The following UGCG variants were observed in gnomAD, a reference collection of about 807,000 sequenced individuals.
UGCG encodes ceramide glucosyltransferase.
In UGCG, 10 loss-of-function variants were observed where a neutral mutation model predicts 49.5. That is an observed-to-expected ratio of 0.20 (90% CI 0.12 to 0.34). The LOEUF is 0.34. Ranked by LOEUF, UGCG falls within the 10% of genes least tolerant of loss-of-function variation. The pLI, the probability that UGCG is intolerant of heterozygous loss-of-function variation, is 1.00. For synonymous variants in UGCG, 182 were observed against 158.2 expected (o/e 1.15, Z -1.13); for missense variants, 312 against 483.7 (o/e 0.65, Z 3.33).
chr9:111,906,694 TG>T (rs1297552302), intron 1 of UGCG, among the ~76,000 whole-genome samples: 80 of 152,232 alleles, frequency 5.3e-4, no homozygotes, highest in African/African-American at 1.9e-3. Context: ...CCTCCCAAAT[TG>T]GCTGGGATTA....
At chr9:111,921,401 C>T (rs1426401073) in intron 2 of UGCG, among the ~76,000 whole-genome samples, 3 of 151,980 alleles carry the variant, frequency 2.0e-5, no homozygotes, top group Non-Finnish European at 4.4e-5. Context: ...CCTGTAATCC[C>T]AGCACTTTGG....
chr9:111,906,450 G>A (rs1278837261), intron 1 of UGCG, among the ~76,000 whole-genome samples: 4 of 151,892 alleles, frequency 2.6e-5, no homozygotes, highest in Non-Finnish European at 2.9e-5. Flanking sequence ...GTTTTGTTTT[G>A]AGACAGTCTC....
intron 1 of UGCG, among the ~76,000 whole-genome samples, chr9:111,902,683 G>C (rs915366444): frequency 1.3e-5 from 2 of 152,098 alleles, no homozygotes; most frequent in African/African-American, 4.8e-5. Context: ...CCACACAGCG[G>C]AATTATAAAA....
At chr9:111,923,746 C>T (rs1838270329) in intron 3 of UGCG, among the ~76,000 whole-genome samples, 1 of 152,148 alleles carries the variant, frequency 6.6e-6, no homozygotes, top group Non-Finnish European at 1.5e-5. Flanking sequence ...AATTCTCCTG[C>T]TTCAGCCTCC....
chr9:111,934,157 T>C lies in UGCG; in HGVS notation c.*1160T>C, dbSNP rs771735909. 3.3e-5 allele frequency: 5 copies of C among 152,016 alleles called. 1 individual carries two copies. The highest frequency in any genetic ancestry group is 4.1e-4 in the South Asian group (2 of 4,826). The allele number at this position is 152,016 out of a possible 1,614,324, so 9.4% of individuals were successfully genotyped here. A position where few individuals can be genotyped will look rare whatever the true frequency, so the allele number is the denominator to read the frequency against. On this transcript the variant is annotated 3_prime_UTR_variant, in exon 9 of 9. Coordinates refer to ENST00000374279, the MANE Select transcript of UGCG (RefSeq NM_003358.3). ...TTTTTTTTTGTTTTTTGTTTTTGTT[T>C]GTTTACTATTATAGTAAGTCTAGTC... is the stretch of plus-strand genomic sequence containing the variant.
intron 8 of UGCG, 79 bp downstream of exon 8, chr9:111,932,438 A>G (rs111345779): frequency 2.1e-6 from 3 of 1,396,034 alleles, no homozygotes; most frequent in African/African-American, 1.4e-5. Context: ...GTTGAAGGAA[A>G]TGTATCTGAG....
intron 1 of UGCG, among the ~76,000 whole-genome samples, chr9:111,912,433 G>T (rs939199884): frequency 6.6e-6 from 1 of 152,016 alleles, no homozygotes; most frequent in Non-Finnish European, 1.5e-5. Flanking sequence ...CAAAAAGTTA[G>T]CTGGGCATGG....
At chr9:111,914,892 T>C (rs1838085521) in intron 2 of UGCG, 146 bp downstream of exon 2, 5 of 1,176,878 alleles carry the variant, frequency 4.2e-6, no homozygotes, top group Non-Finnish European at 5.7e-6. Flanking sequence ...CCTTTAGTAG[T>C]AGTCATCACA....
At chr9:111,927,821 C>T (rs958636717) in intron 5 of UGCG, among the ~76,000 whole-genome samples, 1 of 152,092 alleles carries the variant, frequency 6.6e-6, no homozygotes, top group African/African-American at 2.4e-5. Flanking sequence ...CCCCCACCAC[C>T]CCCTTCTGGG....
intron 1 of UGCG, among the ~76,000 whole-genome samples, chr9:111,912,030 A>ATATG (rs1838019754): frequency 9.9e-5 from 1 of 10,086 alleles, no homozygotes; most frequent in Non-Finnish European, 1.5e-4. Flanking sequence ...ATTCAACAGG[A>ATATG]TATATATATA....
intron 6 of UGCG, among the ~76,000 whole-genome samples, chr9:111,930,470 G>GTTT (rs35175614): frequency 7.5e-6 from 1 of 132,980 alleles, no homozygotes; most frequent in Non-Finnish European, 1.6e-5. Context: ...TTTTGTTTTG[G>GTTT]TTTTTTTTTT....
chr9:111,915,635 A>G (rs1838096782), intron 2 of UGCG: 3 of 251,322 alleles, frequency 1.2e-5, no homozygotes, highest in Admixed American at 6.5e-5. Flanking sequence ...TGTTTTTGCT[A>G]CTGGGAGAGT....
At chr9:111,927,961 C>CA (rs1382568659) in intron 5 of UGCG, among the ~76,000 whole-genome samples, 2 of 152,060 alleles carry the variant, frequency 1.3e-5, no homozygotes, top group Non-Finnish European at 2.9e-5. Context: ...TATCATAGGC[C>CA]ATCGTATGTG....
At chr9:111,913,841 G>A (rs1437227380) in intron 1 of UGCG, among the ~76,000 whole-genome samples, 1 of 152,046 alleles carries the variant, frequency 6.6e-6, no homozygotes, top group African/African-American at 2.4e-5. Context: ...CTATGAACTG[G>A]TGGCACTGGT....
chr9:111,906,963 G>A (rs989902710), intron 1 of UGCG, among the ~76,000 whole-genome samples: 2 of 152,214 alleles, frequency 1.3e-5, no homozygotes, highest in Admixed American at 1.3e-4. Flanking sequence ...AGAATTTATA[G>A]CAGAGATGAG....
At chr9:111,913,590 G>A (rs984150835) in intron 1 of UGCG, among the ~76,000 whole-genome samples, 10 of 138,068 alleles carry the variant, frequency 7.2e-5, no homozygotes, top group African/African-American at 2.1e-4. Flanking sequence ...CCACCACCAC[G>A]CCCAGCTAAT....
In UGCG at chr9:111,934,378, T is replaced by C. The variant is rs1323922019; in HGVS notation, c.*1381T>C. 2 of 151,340 alleles carry C rather than the reference T, an allele frequency of 1.3e-5. No homozygotes were observed. The highest frequency in any genetic ancestry group is 3.9e-4 in the East Asian group (2 of 5,180). 9.4% of individuals were successfully genotyped at this position (151,340 alleles called of 1,614,324 possible). A position where few individuals can be genotyped will look rare whatever the true frequency, so the allele number is the denominator to read the frequency against. ...TTTTTTTAAAAAAAAAAAACAAAAA[T>C]GTAAGGGACAGTGCATAAGCCTTTT... On this transcript the variant is annotated 3_prime_UTR_variant, in exon 9 of 9. Coordinates refer to ENST00000374279, the MANE Select transcript of UGCG (RefSeq NM_003358.3).
intron 1 of UGCG, among the ~76,000 whole-genome samples, chr9:111,901,195 CA>C (rs1382191266): frequency 6.6e-6 from 1 of 152,200 alleles, no homozygotes; most frequent in Non-Finnish European, 1.5e-5. Context: ...CTCATTGTGT[CA>C]GGATAACTGC....
intron 1 of UGCG, among the ~76,000 whole-genome samples, chr9:111,902,232 A>G (rs1159590579): frequency 1.3e-5 from 2 of 151,992 alleles, no homozygotes; most frequent in African/African-American, 2.4e-5. Context: ...TTTGTTTTCT[A>G]TGGTGGTGGA....
Sources: gnomAD v4.1 joint callset for allele counts (sites outside exome capture counted in the v4.1 genomes callset) on GRCh38, gnomAD v4.1.1 for gene constraint, MANE v1.5 for transcripts, NCBI Gene and HGNC (gene_info 2026-07-23, HGNC 2026-07-21) for gene names.